The following UST variants were observed in gnomAD, a reference collection of about 807,000 sequenced individuals.
The protein encoded by UST is chondroitin sulfate 2-O-sulfotransferase.
Under a neutral mutation model 45.6 loss-of-function variants are expected in UST, and 21 were observed. The ratio of observed to expected loss-of-function variants is 0.46; its 90% confidence interval spans 0.33 to 0.66. The LOEUF is 0.66. UST is among the 30% of genes least tolerant of loss of function. The pLI, the probability that UST is intolerant of heterozygous loss-of-function variation, is 0.02. For synonymous variants in UST, 215 were observed against 200.6 expected (o/e 1.07, Z -0.61); for missense variants, 463 against 512.4 (o/e 0.90, Z 0.93).
At chr6:148,891,111 T>C (rs1467434721) in intron 2 of UST, among the ~76,000 whole-genome samples, 1 of 152,166 alleles carries the variant, frequency 6.6e-6, no homozygotes, top group African/African-American at 2.4e-5. Flanking sequence ...ACCTGCTCAA[T>C]CTAAAAATCA....
intron 5 of UST, chr6:148,990,428 A>G: frequency 4.1e-6 from 4 of 985,128 alleles, no homozygotes; most frequent in Non-Finnish European, 4.8e-6. Flanking sequence ...TTTCATGATA[A>G]GGTAACTAGA....
chr6:148,934,928 T>A lies in UST; in HGVS notation c.292-6351T>A, dbSNP rs1779991181. ...ATATTAAGTATCATTTTGCAGAGAATTAAAAGCAGCACTGATGTTAATTCT... is the reference window on the plus strand; with the variant it reads ...ATATTAAGTATCATTTTGCAGAGAAATAAAAGCAGCACTGATGTTAATTCT... On this transcript the variant is annotated intron_variant, in intron 2 of 7. Transcript: ENST00000367463. This position sits in a 1 kb window ranked among gnomAD's most constrained non-coding sequence, Gnocchi z 4.1. Among the ~76,000 whole-genome samples, 3 of 152,240 alleles carry A rather than the reference T, an allele frequency of 2.0e-5. No individual in the cohort carries two copies.
At chr6:148,800,787 T>C (rs1777044115) in intron 1 of UST, among the ~76,000 whole-genome samples, 1 of 150,710 alleles carries the variant, frequency 6.6e-6, no homozygotes, top group African/African-American at 2.5e-5. Context: ...TTTTTTTTTT[T>C]TTTTTTTGGA....
intron 1 of UST, among the ~76,000 whole-genome samples, chr6:148,797,496 C>T (rs1265760144): frequency 6.6e-6 from 1 of 152,214 alleles, no homozygotes; most frequent in African/African-American, 2.4e-5. Flanking sequence ...TTATGGAACA[C>T]CTGCTATGTG....
intron 1 of UST, among the ~76,000 whole-genome samples, chr6:148,854,071 A>G (rs1231021623): frequency 6.6e-6 from 1 of 152,248 alleles, no homozygotes; most frequent in African/African-American, 2.4e-5. Flanking sequence ...CAGAAAAACA[A>G]ACAAAAAGGT....
chr6:148,868,724 A>AC (rs1175428559), intron 1 of UST, among the ~76,000 whole-genome samples: 1 of 151,812 alleles, frequency 6.6e-6, no homozygotes, highest in Non-Finnish European at 1.5e-5. Context: ...CCCAGGTATA[A>AC]CCCCCCCATC....
At chr6:148,817,406 C>A (rs1380668030) in intron 1 of UST, among the ~76,000 whole-genome samples, 2 of 152,110 alleles carry the variant, frequency 1.3e-5, no homozygotes, top group Non-Finnish European at 2.9e-5. Context: ...GACCATGGCC[C>A]ATGACACAGC....
At chr6:148,930,098 G>A (rs1172057521) in intron 2 of UST, among the ~76,000 whole-genome samples, 3 of 152,180 alleles carry the variant, frequency 2.0e-5, no homozygotes, top group South Asian at 4.1e-4. Context: ...CAAATGCCGT[G>A]TTCTCTGTGA....
intron 5 of UST, among the ~76,000 whole-genome samples, chr6:149,003,871 G>A (rs915830350): frequency 3.3e-5 from 5 of 152,174 alleles, no homozygotes; most frequent in African/African-American, 1.2e-4. Flanking sequence ...CCAGGCTGGC[G>A]TCCCCAGCAT....
intron 5 of UST, among the ~76,000 whole-genome samples, chr6:148,984,178 C>T (rs527580231): frequency 6.6e-6 from 1 of 152,334 alleles, no homozygotes; most frequent in Admixed American, 6.5e-5. Flanking sequence ...AAATGCACAG[C>T]ACCTACTCTG....
chr6:148,804,766 A>G (rs2114722136), intron 1 of UST, among the ~76,000 whole-genome samples: 1 of 151,584 alleles, frequency 6.6e-6, no homozygotes, highest in Admixed American at 6.6e-5. Flanking sequence ...GGGAAACATG[A>G]AATTGTAATT....
chr6:148,930,984 G>A (rs571663007), intron 2 of UST, among the ~76,000 whole-genome samples: 2 of 152,334 alleles, frequency 1.3e-5, no homozygotes, highest in South Asian at 2.1e-4. Context: ...TAAAATCTTT[G>A]CACAGTGCTT....
At chr6:148,873,103 G>C (rs1778588837) in intron 1 of UST, among the ~76,000 whole-genome samples, 1 of 152,160 alleles carries the variant, frequency 6.6e-6, no homozygotes, top group South Asian at 2.1e-4. Context: ...TTCCTTTTCT[G>C]TTGCTGACAA....
At chr6:148,988,218 C>T (rs1781270927) in intron 5 of UST, among the ~76,000 whole-genome samples, 1 of 152,066 alleles carries the variant, frequency 6.6e-6, no homozygotes, top group Non-Finnish European at 1.5e-5. Flanking sequence ...AGAACTGAAA[C>T]TTGACATTGA....
chr6:149,000,171 T>C (rs1372888326), intron 5 of UST, among the ~76,000 whole-genome samples: 1 of 152,166 alleles, frequency 6.6e-6, no homozygotes, highest in Admixed American at 6.5e-5. Flanking sequence ...TCCCCTCACT[T>C]TCCAAGTAAA....
intron 5 of UST, among the ~76,000 whole-genome samples, chr6:149,009,821 CTT>C (rs60752380): frequency 7.0e-5 from 10 of 143,270 alleles, no homozygotes; most frequent in African/African-American, 1.5e-4. Context: ...TACCTTTTGT[CTT>C]TTTTTTTTTT....
intron 1 of UST, among the ~76,000 whole-genome samples, chr6:148,815,492 T>C (rs1777337441): frequency 6.6e-6 from 1 of 152,188 alleles, no homozygotes; most frequent in Non-Finnish European, 1.5e-5. Context: ...TCCCCTGCTT[T>C]TTTTTAACCA....
intron 3 of UST, among the ~76,000 whole-genome samples, chr6:148,942,849 C>A (rs1780155963): frequency 6.6e-6 from 1 of 152,150 alleles, no homozygotes; most frequent in Admixed American, 6.6e-5. Context: ...TAAAAAATCA[C>A]TCAGTATCAA....
At position 148,934,005 on chromosome 6, in the gene UST, A is replaced by G. The variant is rs1452529247; in HGVS notation, c.292-7274A>G. 6.6e-6 allele frequency among the ~76,000 whole-genome samples: 1 copy of G among 152,256 alleles called. No homozygotes were observed. ...TATTCCACAAACAAGGAAACACGGTAAAATCTAGTTTTAACTTTTAAGGCG... is the reference window on the plus strand; with the variant it reads ...TATTCCACAAACAAGGAAACACGGTGAAATCTAGTTTTAACTTTTAAGGCG... On this transcript the variant is annotated intron_variant, in intron 2 of 7. Transcript: ENST00000367463. This position sits in a 1 kb window ranked among gnomAD's most constrained non-coding sequence, Gnocchi z 4.1.
Sources: gnomAD v4.1 joint callset for allele counts (sites outside exome capture counted in the v4.1 genomes callset) on GRCh38, gnomAD v4.1.1 for gene constraint, Gnocchi (gnomAD v3.1) non-coding constraint, MANE v1.5 for transcripts, NCBI Gene and HGNC (gene_info 2026-07-23, HGNC 2026-07-21) for gene names.